Variants in TNPO1 observed in about 807,000 individuals in gnomAD.
TNPO1 encodes the protein transportin 1, also known as transportin-1.
A neutral mutation model predicts 119.5 loss-of-function variants in TNPO1; 8 were observed. The observed-to-expected ratio is 0.07, with a 90% confidence interval of 0.04 to 0.12. The LOEUF (loss-of-function observed/expected upper bound fraction) is 0.12. Among genes scored for constraint, TNPO1 ranks in the 10% least tolerant of loss-of-function variants. The probability of loss-of-function intolerance (pLI) is 1.00; values close to 1 mark genes in which losing one functional copy is unlikely to be tolerated. For missense variants in TNPO1, 576 were observed against 1,089.8 expected (o/e 0.53, Z 6.64); for synonymous variants, 362 against 363.0 (o/e 1.00, Z 0.03).
At chr5:72,863,044 T>C (rs1376821753) in intron 5 of TNPO1, among the ~76,000 whole-genome samples, 1 of 151,550 alleles carries the variant, frequency 6.6e-6, no homozygotes, top group Non-Finnish European at 1.5e-5. Flanking sequence ...TTGTTGTTTT[T>C]TTGGGGTTTT....
intron 3 of TNPO1, among the ~76,000 whole-genome samples, chr5:72,855,291 A>G (rs906779978): frequency 1.3e-5 from 2 of 152,082 alleles, no homozygotes; most frequent in African/African-American, 4.8e-5. Context: ...AAAACCAGCA[A>G]CAAAATTTTA....
intron 1 of TNPO1, among the ~76,000 whole-genome samples, chr5:72,822,335 T>C (rs1743998549): frequency 2.6e-5 from 4 of 151,954 alleles, no homozygotes; most frequent in Non-Finnish European, 5.9e-5. Flanking sequence ...TTTTTTTTTT[T>C]CTCATTATAC....
chr5:72,825,296 G>A (rs1580360116), intron 1 of TNPO1, among the ~76,000 whole-genome samples: 1 of 152,102 alleles, frequency 6.6e-6, no homozygotes, highest in Non-Finnish European at 1.5e-5. Flanking sequence ...CTCCTGTTAC[G>A]ATCTGAATGT....
chr5:72,901,814 A>G (rs184557285), intron 22 of TNPO1, among the ~76,000 whole-genome samples: 4 of 152,294 alleles, frequency 2.6e-5, no homozygotes, highest in Non-Finnish European at 4.4e-5. Flanking sequence ...CCCAAGATAC[A>G]TCAAATCAAT....
intron 3 of TNPO1, among the ~76,000 whole-genome samples, chr5:72,851,989 A>G (rs970717320): frequency 3.6e-4 from 55 of 152,246 alleles, no homozygotes; most frequent in African/African-American, 1.3e-3. Flanking sequence ...TTGAAAGGTC[A>G]TATAATCAAA....
chr5:72,895,585 T>G (rs571068711), intron 18 of TNPO1, among the ~76,000 whole-genome samples: 1 of 152,246 alleles, frequency 6.6e-6, no homozygotes, highest in East Asian at 1.9e-4. Flanking sequence ...TGGCCCAAAC[T>G]GTCAATATTG....
rs1372859337 is a variant in TNPO1 at position 72,911,350 on chromosome 5, T to G, written c.*2677T>G. On this transcript the variant is annotated 3_prime_UTR_variant, in exon 25 of 25. Transcript: ENST00000337273. ...TTTTTTATTTAAATGAAATTTAATT[T>G]GAAAATAGAAAATAAAATTAGGTAA... is the stretch of plus-strand genomic sequence containing the variant. 2.6e-5 allele frequency: 4 copies of G among 152,432 alleles called. No individual in the cohort carries two copies. The highest frequency in any genetic ancestry group is 5.9e-5 in the Non-Finnish European group (4 of 67,924). 9.4% of individuals were successfully genotyped at this position (152,432 alleles called of 1,614,324 possible).
At chr5:72,880,238 T>G (rs1317303152) in intron 9 of TNPO1, among the ~76,000 whole-genome samples, 1 of 152,174 alleles carries the variant, frequency 6.6e-6, no homozygotes, top group East Asian at 1.9e-4. Flanking sequence ...TTAAGTTCTA[T>G]TATCATTCTG....
intron 23 of TNPO1, among the ~76,000 whole-genome samples, chr5:72,904,675 T>C (rs1200697970): frequency 4.6e-5 from 7 of 152,152 alleles, no homozygotes; most frequent in African/African-American, 1.7e-4. Flanking sequence ...CGGATGCCTG[T>C]AATCCCAGCT....
chr5:72,850,812 T>A (rs1430514193), intron 2 of TNPO1, among the ~76,000 whole-genome samples: 5 of 152,222 alleles, frequency 3.3e-5, no homozygotes, highest in East Asian at 1.9e-4. Context: ...ATCTTTTTTT[T>A]AAAAGTTATT....
At position 72,890,380 on chromosome 5, in the gene TNPO1, G is replaced by A. The variant is rs376759981; in HGVS notation, c.1701+423G>A. ...TACTGTATAAAACAAATAGAAATTG[G>A]GGTAGTAGGTTTAAAAATGCTAAAT... On this transcript the variant is annotated intron_variant, in intron 14 of 24. Transcript: ENST00000337273. Among the ~76,000 whole-genome samples the A allele has an allele frequency of 4.6e-5, 7 of 152,140 alleles. No homozygotes were observed. In the East Asian group the frequency reaches 1.4e-3, roughly 29 times the overall value.
chr5:72,826,223 C>T (rs1357330426), intron 1 of TNPO1, among the ~76,000 whole-genome samples: 1 of 152,062 alleles, frequency 6.6e-6, no homozygotes, highest in Non-Finnish European at 1.5e-5. Flanking sequence ...TCCTGGACTC[C>T]TTTTTATTTT....
In TNPO1 at chr5:72,816,685, G is replaced by A; in HGVS notation, c.-53G>A. On this transcript the variant is annotated 5_prime_UTR_variant, in exon 1 of 25. Transcript: ENST00000337273. ...TGTTCCGCAGCCATTTCAGGCCCCG[G>A]ACAGGAGGCAGTGCCGCTTCGGCCG... 1 of 1,535,180 alleles carries A rather than the reference G, an allele frequency of 6.5e-7. No homozygotes were observed. Among genetic ancestry groups the A allele is most frequent in the Non-Finnish European group, 8.8e-7 (1 of 1,141,978 alleles).
intron 1 of TNPO1, among the ~76,000 whole-genome samples, chr5:72,824,654 A>G (rs1738138761): frequency 6.6e-6 from 1 of 151,794 alleles, no homozygotes; most frequent in Admixed American, 6.6e-5. Flanking sequence ...CTTTATTTTC[A>G]CTGACCTCTT....
intron 1 of TNPO1, among the ~76,000 whole-genome samples, chr5:72,829,635 G>A (rs1744359454): frequency 6.6e-6 from 1 of 152,170 alleles, no homozygotes; most frequent in Non-Finnish European, 1.5e-5. Flanking sequence ...TTGTTTATAG[G>A]TGTCTAAATG....
chr5:72,853,867 C>G (rs1745782462), intron 3 of TNPO1, among the ~76,000 whole-genome samples: 1 of 152,178 alleles, frequency 6.6e-6, no homozygotes, highest in Non-Finnish European at 1.5e-5. Context: ...CTCTAATTAT[C>G]TCACTTTACA....
intron 6 of TNPO1, among the ~76,000 whole-genome samples, chr5:72,868,954 G>A (rs1392410620): frequency 6.6e-6 from 1 of 152,076 alleles, no homozygotes; most frequent in Admixed American, 6.5e-5. Context: ...GTTGCAGTGA[G>A]CCGAGATCGT....
At chr5:72,885,728 T>G (rs144720720) in intron 11 of TNPO1, among the ~76,000 whole-genome samples, 29 of 146,730 alleles carry the variant, frequency 2.0e-4, no homozygotes, top group Admixed American at 8.0e-4. Flanking sequence ...AATGGTTTTG[T>G]TTTGGTTTGG....
chr5:72,860,673 A>G (rs956453385), intron 4 of TNPO1, among the ~76,000 whole-genome samples: 5 of 152,234 alleles, frequency 3.3e-5, no homozygotes, highest in Non-Finnish European at 7.3e-5. Context: ...GCCTGCCTAC[A>G]TGAGGGAGAG....
Sources: allele counts gnomAD v4.1 joint callset (sites outside exome capture counted in the v4.1 genomes callset), GRCh38; gene constraint gnomAD v4.1.1; transcripts MANE v1.5; gene names NCBI Gene and HGNC (gene_info 2026-07-23, HGNC 2026-07-21).